PTPRD: variants seen among roughly 807,000 people sequenced by gnomAD.
PTPRD encodes receptor-type tyrosine-protein phosphatase delta.
Under a neutral mutation model 214.5 loss-of-function variants are expected in PTPRD, and 34 were observed. That is an observed-to-expected ratio of 0.16 (90% CI 0.12 to 0.21). The LOEUF (loss-of-function observed/expected upper bound fraction) is 0.21, where lower values mean the gene tolerates loss of function less well. PTPRD is among the 10% of genes least tolerant of loss of function. The pLI is 1.00. For synonymous variants in PTPRD, 1,128 were observed against 845.7 expected (o/e 1.33, Z -5.79); for missense variants, 2,545 against 2,398.7 (o/e 1.06, Z -1.27).
At chr9:9,420,375 T>C (rs927120630) in intron 8 of PTPRD, among the ~76,000 whole-genome samples, 1 of 151,836 alleles carries the variant, frequency 6.6e-6, no homozygotes, top group South Asian at 2.1e-4. Flanking sequence ...AGGATTTCTA[T>C]GTGTGTTCAA....
At chr9:9,588,076 A>C (rs1265606330) in intron 7 of PTPRD, among the ~76,000 whole-genome samples, 1 of 151,986 alleles carries the variant, frequency 6.6e-6, no homozygotes, top group Non-Finnish European at 1.5e-5. Flanking sequence ...ATCATAACAC[A>C]TTCCAAACAT....
chr9:10,509,579 A>ATATATATATATTTTTT (rs1402201904), intron 2 of PTPRD, among the ~76,000 whole-genome samples: 1 of 131,240 alleles, frequency 7.6e-6, no homozygotes. Flanking sequence ...ATATATATAT[A>ATATATATATATTTTTT]TTTTACTCAC....
At chr9:10,350,004 C>G (rs118072596) in intron 2 of PTPRD, among the ~76,000 whole-genome samples, 1,677 of 152,288 alleles carry the variant, frequency 0.011, 70 homozygotes, top group Admixed American at 0.076. Context: ...AACAGCAATG[C>G]CTATCAAGGC....
At chr9:9,011,885 G>A (rs2099513303) in intron 11 of PTPRD, among the ~76,000 whole-genome samples, 1 of 152,104 alleles carries the variant, frequency 6.6e-6, no homozygotes, top group Admixed American at 6.6e-5. Flanking sequence ...TGTCCAGATT[G>A]TATAATCCTG....
At chr9:8,726,778 G>A (rs1424941381) in intron 12 of PTPRD, among the ~76,000 whole-genome samples, 1 of 134,796 alleles carries the variant, frequency 7.4e-6, no homozygotes, top group Non-Finnish European at 1.6e-5. Flanking sequence ...TCCAGCCTCG[G>A]TGACAGAGTG....
At chr9:8,401,705 G>C (rs919266324) in intron 36 of PTPRD, among the ~76,000 whole-genome samples, 12 of 152,014 alleles carry the variant, frequency 7.9e-5, no homozygotes, top group African/African-American at 2.9e-4. Flanking sequence ...ATATACACTT[G>C]CTCTACTAAA....
intron 7 of PTPRD, among the ~76,000 whole-genome samples, chr9:9,582,583 G>A (rs2091073534): frequency 6.6e-6 from 1 of 152,102 alleles, no homozygotes. Flanking sequence ...TGGGAGGAAT[G>A]GGGAATAACT....
intron 6 of PTPRD, among the ~76,000 whole-genome samples, chr9:9,763,344 A>G (rs2098677302): frequency 6.6e-6 from 1 of 152,194 alleles, no homozygotes; most frequent in Admixed American, 6.5e-5. Flanking sequence ...ACAAAAGCAC[A>G]TCAAATACAT....
intron 3 of PTPRD, among the ~76,000 whole-genome samples, chr9:10,078,179 A>G (rs1008184231): frequency 6.6e-6 from 1 of 151,922 alleles, no homozygotes; most frequent in Admixed American, 6.6e-5. Flanking sequence ...AATATCTTAT[A>G]CCAATAATTA....
chr9:8,359,868 T>C (rs762234614), intron 39 of PTPRD, among the ~76,000 whole-genome samples: 5 of 152,228 alleles, frequency 3.3e-5, no homozygotes, highest in African/African-American at 1.2e-4. Flanking sequence ...TCCTTAGGCA[T>C]ATGGCTATCA....
intron 10 of PTPRD, among the ~76,000 whole-genome samples, chr9:9,180,055 T>A (rs574907036): frequency 6.6e-6 from 1 of 152,046 alleles, no homozygotes; most frequent in Non-Finnish European, 1.5e-5. Context: ...GTTACATAAG[T>A]ACCGATTGCG....
chr9:10,208,331 G>C (rs928956105), intron 3 of PTPRD, among the ~76,000 whole-genome samples: 2 of 152,158 alleles, frequency 1.3e-5, no homozygotes, highest in Admixed American at 1.3e-4. Flanking sequence ...TGGCTAACAC[G>C]GTGAAACCCC....
intron 7 of PTPRD, among the ~76,000 whole-genome samples, chr9:9,609,108 C>A (rs574165769): frequency 1.2e-4 from 19 of 152,134 alleles, no homozygotes; most frequent in Admixed American, 3.3e-4. Flanking sequence ...ATTGGACTTA[C>A]AATTTGTGCA....
chr9:8,585,770 T>G (rs1294688143), intron 14 of PTPRD, among the ~76,000 whole-genome samples: 1 of 152,240 alleles, frequency 6.6e-6, no homozygotes, highest in Admixed American at 6.5e-5. Flanking sequence ...TGCTTGCATT[T>G]TGCCAGGCAC....
chr9:10,145,999 A>G (rs2099019833), intron 3 of PTPRD, among the ~76,000 whole-genome samples: 1 of 152,020 alleles, frequency 6.6e-6, no homozygotes, highest in Admixed American at 6.6e-5. Flanking sequence ...AATATCAAAT[A>G]TTCTATTGGA....
rs150176619 is a variant in PTPRD, at chr9:10,415,715, GT to G, written c.-599-74699del. Among the ~76,000 whole-genome samples the G allele has an allele frequency of 5.2e-3, 797 of 151,978 alleles. 5 individuals carry two copies. The highest frequency in any genetic ancestry group is 0.018 in the African/African-American group (741 of 41,516). Reference sequence around the variant, plus strand: ...TTGCTGAAATGTGGAAGCAACATATGTAAATCTTAATTCCCCCAATTCTTTG... The same window carrying G: ...TTGCTGAAATGTGGAAGCAACATATGAAATCTTAATTCCCCCAATTCTTTG... On this transcript the variant is annotated intron_variant, in intron 2 of 45. Coordinates refer to ENST00000381196, the MANE Select transcript of PTPRD (RefSeq NM_002839.4).
intron 3 of PTPRD, among the ~76,000 whole-genome samples, chr9:10,036,148 T>C (rs552905141): frequency 1.4e-4 from 22 of 152,288 alleles, no homozygotes; most frequent in Non-Finnish European, 3.1e-4. Context: ...CAAAGAAAGA[T>C]ACAAATTTAA....
At chr9:10,518,293 G>A (rs1046118266) in intron 2 of PTPRD, among the ~76,000 whole-genome samples, 2 of 152,120 alleles carry the variant, frequency 1.3e-5, no homozygotes, top group South Asian at 4.1e-4. Flanking sequence ...GGAAGCTGAA[G>A]AGCCTGGCGT....
chr9:10,152,837 A>C (rs970792685), intron 3 of PTPRD, among the ~76,000 whole-genome samples: 1 of 152,092 alleles, frequency 6.6e-6, no homozygotes, highest in African/African-American at 2.4e-5. Flanking sequence ...CCCTCCCCCA[A>C]AAAGAAGGAA....
Sources: gnomAD v4.1 joint callset for allele counts (sites outside exome capture counted in the v4.1 genomes callset) on GRCh38, gnomAD v4.1.1 for gene constraint, MANE v1.5 for transcripts, NCBI Gene and HGNC (gene_info 2026-07-23, HGNC 2026-07-21) for gene names.